The following ADGRL3 variants were observed in gnomAD, a reference collection of about 807,000 sequenced individuals.
The protein encoded by ADGRL3 is adhesion G protein-coupled receptor L3.
ADGRL3 carries 62 observed loss-of-function variants against 153.5 expected under a neutral mutation model. The ratio of observed to expected loss-of-function variants is 0.40; its 90% CI spans 0.33 to 0.50. The LOEUF (loss-of-function observed/expected upper bound fraction) is 0.50. Among genes scored for constraint, ADGRL3 ranks in the 20% least tolerant of loss-of-function variants. ADGRL3 has a pLI of 0.47. For synonymous variants in ADGRL3, 710 were observed against 672.5 expected, an observed-to-expected ratio of 1.06 and a Z score of -0.86; for missense variants, 1,641 against 1,859.4, an observed-to-expected ratio of 0.88 and a Z score of 2.16.
chr4:61,482,261 T>C (rs1356505247), intron 2 of ADGRL3, among the ~76,000 whole-genome samples: 1 of 152,178 alleles, frequency 6.6e-6, no homozygotes, highest in Non-Finnish European at 1.5e-5. Flanking sequence ...ACACTTTTCA[T>C]TGTAAAAAAT....
At chr4:61,222,134 C>T (rs1298092694) in intron 1 of ADGRL3, among the ~76,000 whole-genome samples, 1 of 151,984 alleles carries the variant, frequency 6.6e-6, no homozygotes, top group Admixed American at 6.5e-5. Context: ...TTGTGTTAAT[C>T]TCATATTGAG....
intron 1 of ADGRL3, among the ~76,000 whole-genome samples, chr4:61,233,688 G>T (rs1751679766): frequency 6.6e-5 from 10 of 151,774 alleles, no homozygotes; most frequent in Admixed American, 6.6e-4. Flanking sequence ...AATAAAAGTG[G>T]TGTGTGTGTG....
At chr4:61,291,743 A>T (rs2094223604) in intron 1 of ADGRL3, among the ~76,000 whole-genome samples, 1 of 150,446 alleles carries the variant, frequency 6.6e-6, no homozygotes, top group Non-Finnish European at 1.5e-5. Context: ...AATTATCCTT[A>T]TACTGTTCTT....
At chr4:61,371,882 T>C (rs578085010) in intron 1 of ADGRL3, among the ~76,000 whole-genome samples, 2 of 152,322 alleles carry the variant, frequency 1.3e-5, no homozygotes, top group South Asian at 2.1e-4. Flanking sequence ...CAGATGTAGA[T>C]TTGGTCTTTT....
In ADGRL3 at chr4:61,213,845, C is replaced by T. The variant is rs1741333588; in HGVS notation, c.-240+12080C>T. Among the ~76,000 whole-genome samples the T allele has an allele frequency of 2.0e-5, 3 of 151,998 alleles. No individual in the cohort carries two copies. The South Asian group carries it at 6.2e-4, about 32-fold the overall frequency. ...AATATCCGAGTGCTGAAAGCTTGGC[C>T]TGTTCTCTAATTTTTTTCTCTAGTA... is the stretch of plus-strand genomic sequence containing the variant. On this transcript the variant is annotated intron_variant, in intron 1 of 26. Coordinates refer to ENST00000683033, the MANE Select transcript of ADGRL3 (RefSeq NM_001387552.1).
intron 20 of ADGRL3, 82 bp from the exon 21 acceptor site, chr4:61,998,092 C>T (rs1344348959): frequency 1.7e-6 from 1 of 572,092 alleles, no homozygotes; most frequent in African/African-American, 1.9e-5. Context: ...TTTCCCAGAA[C>T]AACTCATGTG....
Position 61,305,991 on chromosome 4 carries a change from A to G in ADGRL3, c.-239-77133A>G, listed in dbSNP as rs114708624. Among the ~76,000 whole-genome samples the G allele has an allele frequency of 4.7e-3, 718 of 152,234 alleles. 4 individuals are homozygous for G. Among genetic ancestry groups the G allele is most frequent in the African/African-American group, 0.017 (701 of 41,534 alleles). On this transcript the variant is annotated intron_variant, in intron 1 of 26. Transcript: ENST00000683033. ...GGGTGTCATTTAGCAGGGAAATTCA[A>G]TTATAATGAAGTTAGAGATTCTTCA... is the stretch of plus-strand genomic sequence containing the variant.
chr4:61,662,357 G>A (rs2094624917), intron 5 of ADGRL3, among the ~76,000 whole-genome samples: 2 of 152,236 alleles, frequency 1.3e-5, no homozygotes, highest in South Asian at 2.1e-4. Flanking sequence ...AGGCTTAGAA[G>A]TGTGTGTTCC....
rs148662320 is a variant in ADGRL3 at position 61,205,353 on chromosome 4, C to T, written c.-240+3588C>T. Among the ~76,000 whole-genome samples the T allele has an allele frequency of 4.7e-3, 712 of 152,274 alleles. 8 individuals carry two copies. The highest frequency in any genetic ancestry group is 0.016 in the African/African-American group (683 of 41,550). On this transcript the variant is annotated intron_variant, in intron 1 of 26. Coordinates refer to ENST00000683033, the MANE Select transcript of ADGRL3 (RefSeq NM_001387552.1). ...TGCGATTTTCATATTTAGGATCAAA[C>T]AGTGATTTTAAGAAATGCTGTGCAG... is the stretch of plus-strand genomic sequence containing the variant.
chr4:61,515,215 C>A (rs960649507), intron 3 of ADGRL3, among the ~76,000 whole-genome samples: 2 of 152,082 alleles, frequency 1.3e-5, no homozygotes, highest in Non-Finnish European at 2.9e-5. Context: ...CTCAAACACA[C>A]CAAGGGATTT....
At chr4:61,630,195 A>G (rs2093075651) in intron 5 of ADGRL3, among the ~76,000 whole-genome samples, 1 of 152,154 alleles carries the variant, frequency 6.6e-6, no homozygotes, top group Admixed American at 6.5e-5. Context: ...TTAAATTCTC[A>G]TAGGGTTTAT....
At chr4:61,675,867 C>T (rs1034661589) in intron 5 of ADGRL3, among the ~76,000 whole-genome samples, 3 of 151,688 alleles carry the variant, frequency 2.0e-5, no homozygotes, top group African/African-American at 4.8e-5. Context: ...ACTGTAGTCA[C>T]CCAATTGTGC....
chr4:61,530,399 A>G lies in ADGRL3; in HGVS notation c.259+12881A>G, dbSNP rs113940991. Among the ~76,000 whole-genome samples the G allele has an allele frequency of 7.9e-4, 120 of 152,202 alleles. 1 individual carries two copies. The highest frequency in any genetic ancestry group is 2.7e-3 in the African/African-American group (114 of 41,542). On this transcript the variant is annotated intron_variant, in intron 4 of 26. Coordinates refer to ENST00000683033, the MANE Select transcript of ADGRL3 (RefSeq NM_001387552.1). ...GTTTGCTACCCTCCCTAAAAAAAAA[A>G]AAAATCTTCACAGAGTATATGGATA...
chr4:61,637,462 A>T (rs572272249), intron 5 of ADGRL3, among the ~76,000 whole-genome samples: 1 of 152,166 alleles, frequency 6.6e-6, no homozygotes, highest in Admixed American at 6.5e-5. Flanking sequence ...TAATATGGGC[A>T]TAAGTAAAAG....
At chr4:61,912,659 C>G (rs1224529494) in intron 12 of ADGRL3, 60 bp from the exon 13 acceptor site, 1 of 1,438,888 alleles carries the variant, frequency 6.9e-7, no homozygotes, top group African/African-American at 1.4e-5. Flanking sequence ...TTCTTGTTTT[C>G]TTCTGTCACT....
At chr4:61,451,578 A>T (rs1409194848) in intron 2 of ADGRL3, among the ~76,000 whole-genome samples, 2 of 152,202 alleles carry the variant, frequency 1.3e-5, no homozygotes, top group Non-Finnish European at 2.9e-5. Context: ...AGAGATGAGC[A>T]GTATTTTCTA....
At position 61,432,578 on chromosome 4, in the gene ADGRL3, C is replaced by CTTTCTT. The variant is rs1553928306; in HGVS notation, c.-174+49391_-174+49396dup. Among the ~76,000 whole-genome samples, 18 of 3,146 alleles carry CTTTCTT rather than the reference C, an allele frequency of 5.7e-3. 1 individual carries two copies. The highest frequency in any genetic ancestry group is 0.026 in the South Asian group (1 of 38). 2.1% of individuals were successfully genotyped at this position (3,146 alleles called of 152,430 possible). Reference sequence around the variant, plus strand: ...AGATTTCTTTTCTTTCTCTTCCTTTCTTTCTTTCTTTCTTTCTTTCTTTCT... The same window carrying CTTTCTT: ...AGATTTCTTTTCTTTCTCTTCCTTTCTTTCTTTTTCTTTCTTTCTTTCTTTCTTTCT... On this transcript the variant is annotated intron_variant, in intron 2 of 26. Transcript: ENST00000683033.
At chr4:61,830,771 A>C (rs1465624606) in intron 9 of ADGRL3, among the ~76,000 whole-genome samples, 1 of 152,352 alleles carries the variant, frequency 6.6e-6, no homozygotes, top group Admixed American at 6.5e-5. Flanking sequence ...CAATAGACAT[A>C]TTAGAATTGT....
chr4:61,545,992 A>G (rs970372579), intron 4 of ADGRL3, among the ~76,000 whole-genome samples: 6 of 152,224 alleles, frequency 3.9e-5, no homozygotes, highest in African/African-American at 1.4e-4. Flanking sequence ...CCCCACATCA[A>G]TAAGCACTGT....
Sources: gnomAD v4.1 joint callset for allele counts (sites outside exome capture counted in the v4.1 genomes callset) on GRCh38, gnomAD v4.1.1 for gene constraint, MANE v1.5 for transcripts, NCBI Gene and HGNC (gene_info 2026-07-23, HGNC 2026-07-21) for gene names.